PKD1L3: variants seen among roughly 807,000 people sequenced by gnomAD.
PKD1L3 encodes polycystin-1-like protein 3.
PKD1L3 carries 239 observed loss-of-function variants against 184.1 expected under a neutral mutation model. The ratio of observed to expected loss-of-function variants is 1.30; its 90% CI spans 1.17 to 1.45. The LOEUF (loss-of-function observed/expected upper bound fraction) is 1.45, where lower values mean the gene tolerates loss of function less well. PKD1L3 is among the 40% of genes most tolerant of loss of function. The pLI is 0.00. For missense variants in PKD1L3, 2,660 were observed against 2,067.2 expected, an observed-to-expected ratio of 1.29 and a Z score of -5.56; for synonymous variants, 996 against 778.8, an observed-to-expected ratio of 1.28 and a Z score of -4.64.
intron 2 of PKD1L3, among the ~76,000 whole-genome samples, chr16:71,995,629 C>G (rs527256142): frequency 6.6e-6 from 1 of 152,128 alleles, no homozygotes; most frequent in Non-Finnish European, 1.5e-5. Flanking sequence ...TTTTTACAAC[C>G]AGTTCCCTCT....
At chr16:71,972,343 T>A (rs1313919747) in intron 12 of PKD1L3, among the ~76,000 whole-genome samples, 2 of 152,120 alleles carry the variant, frequency 1.3e-5, no homozygotes, top group East Asian at 3.9e-4. Context: ...GAGGTTGCGG[T>A]GAGCCGAGAT....
chr16:71,929,619 A>G lies in PKD1L3; in HGVS notation c.5118T>C (p.Ser1706=). ...LQKLSNLLGI[S]WPQKTSSEQA... ...GCTCAGATGAGGTTTTTTGGGGCCA[A>G]CTGATTCCTAACAAATTTGAGAGCT... The change falls in exon 30 of 30, where the codon AGT becomes AGC. Residue 1706 remains serine (S), a synonymous_variant. Transcript: ENST00000620267. 1 of 1,551,864 alleles carries G rather than the reference A, an allele frequency of 6.4e-7. No individual in the cohort carries two copies. The highest frequency in any genetic ancestry group is 2.0e-5 in the Admixed American group (1 of 51,002).
At chr16:71,944,572 A>G (rs2038487966) in intron 22 of PKD1L3, among the ~76,000 whole-genome samples, 1 of 152,136 alleles carries the variant, frequency 6.6e-6, no homozygotes, top group South Asian at 2.1e-4. Flanking sequence ...GGTCCCGGCT[A>G]CTAGGGAGAC....
rs1346890366 is a variant in PKD1L3, at chr16:71,935,340, C to G, written c.4613+18G>C. 7.8e-6 allele frequency: 12 copies of G among 1,548,044 alleles called. No individual in the cohort carries two copies. Among genetic ancestry groups the G allele is most frequent in the Non-Finnish European group, 1.0e-5 (12 of 1,144,926 alleles). On this transcript the variant is annotated intron_variant, in intron 26 of 29. Coordinates refer to ENST00000620267, the MANE Select transcript of PKD1L3 (RefSeq NM_181536.2). The stretch of plus-strand genomic sequence containing the variant: ...ACATGAGGTAGGAATATGCTGTGCC[C>G]CTCAGGCTTCCTCTCACCTGTCCTG...
intron 19 of PKD1L3, among the ~76,000 whole-genome samples, chr16:71,950,544 T>C (rs1295732089): frequency 6.6e-6 from 1 of 152,022 alleles, no homozygotes; most frequent in African/African-American, 2.4e-5. Context: ...CCTTATTGAG[T>C]TCTTCACCAG....
chr16:71,937,464 T>C (rs1388629168), intron 24 of PKD1L3, 45 bp from the exon 25 acceptor site: 1 of 1,533,896 alleles, frequency 6.5e-7, no homozygotes, highest in East Asian at 2.5e-5. Context: ...CTAAAACTTT[T>C]GCCCTCTTCT....
chr16:71,967,136 C>A lies in PKD1L3; in HGVS notation c.2465+1G>T. 8 of 1,551,378 alleles carry A rather than the reference C, an allele frequency of 5.2e-6. No individual in the cohort carries two copies. Among genetic ancestry groups the A allele is most frequent in the Non-Finnish European group, 7.0e-6 (8 of 1,146,742 alleles). ...ACAGCCAACAGGATATAAGTACTCA[C>A]CAGGAGGGACTGACGCCAGAATTGT... is the stretch of plus-strand genomic sequence containing the variant. On this transcript the variant is annotated splice_donor_variant, in intron 15 of 29. Transcript: ENST00000620267. LOFTEE classifies it high-confidence loss of function.
At chr16:71,976,059 T>C (rs1013476428) in intron 11 of PKD1L3, among the ~76,000 whole-genome samples, 2 of 151,878 alleles carry the variant, frequency 1.3e-5, no homozygotes, top group Admixed American at 1.3e-4. Flanking sequence ...GTGATTCTCA[T>C]GCCTCAGTCT....
chr16:71,945,287 TATATATATATATATATATACAC>T (rs1334874041), intron 22 of PKD1L3, among the ~76,000 whole-genome samples: 2 of 60,656 alleles, frequency 3.3e-5, no homozygotes, highest in African/African-American at 9.3e-5. Flanking sequence ...TATATATATA[TATATATATATATATATATACAC>T]ACACACACAC....
intron 19 of PKD1L3, 69 bp downstream of exon 19, chr16:71,951,495 A>G: frequency 7.0e-7 from 1 of 1,427,278 alleles, no homozygotes; most frequent in Non-Finnish European, 9.4e-7. Context: ...AATGAGTAAG[A>G]AAGTAAGACA....
At position 71,978,253 on chromosome 16, in the gene PKD1L3, A is replaced by AC; in HGVS notation, c.1527+1dup. The AC allele has an allele frequency of 3.9e-6, 6 of 1,548,366 alleles. No individual in the cohort carries two copies. Among genetic ancestry groups the AC allele is most frequent in the Non-Finnish European group, 5.2e-6 (6 of 1,144,938 alleles). Reference sequence around the variant, plus strand: ...TTTTATTCCCTAAGAATCAGTTCCTACCTCAATGTCCTCCATTAAATCATG... The same window carrying AC: ...TTTTATTCCCTAAGAATCAGTTCCTACCCTCAATGTCCTCCATTAAATCATG... On this transcript the variant is annotated splice_donor_variant, in intron 10 of 29. Coordinates refer to ENST00000620267, the MANE Select transcript of PKD1L3 (RefSeq NM_181536.2). LOFTEE classifies it high-confidence loss of function.
chr16:71,980,471 G>A (rs1456991154), intron 7 of PKD1L3, among the ~76,000 whole-genome samples: 4 of 152,002 alleles, frequency 2.6e-5, no homozygotes, highest in Admixed American at 6.6e-5. Context: ...ATAATTTAAC[G>A]TTTTTTAGTA....
In PKD1L3 at chr16:71,979,825, C is replaced by G. The variant is rs1597357871; in HGVS notation, c.1359G>C (p.Leu453Phe). 1 of 1,515,128 alleles carries G rather than the reference C, an allele frequency of 6.6e-7. No homozygotes were observed. Among genetic ancestry groups the G allele is most frequent in the East Asian group, 2.5e-5 (1 of 40,816 alleles). The allele number at this position is 1,515,128 out of a possible 1,614,324, so 93.9% of individuals were successfully genotyped here. ...CTGGATGTTTATTCAAGAGCTCCTT[C>G]AAAGCTAAAGCCGACGGAAAGCCTA... ...VRLGFPSALA[L>F]KELLNKHPGV... Residue 453 changes from leucine to phenylalanine, a missense_variant, in exon 9 of 30, where the codon TTG (leucine) becomes TTC (phenylalanine). By Grantham distance (22) the Leu-to-Phe change is conservative. Coordinates refer to ENST00000620267, the MANE Select transcript of PKD1L3 (RefSeq NM_181536.2).
intron 26 of PKD1L3, 60 bp downstream of exon 26, chr16:71,935,298 T>A: frequency 6.8e-7 from 1 of 1,481,380 alleles, no homozygotes; most frequent in South Asian, 1.3e-5. Context: ...TACTTGTGTA[T>A]AAACAGGAAA....
At chr16:71,972,258 G>C (rs1036851838) in intron 12 of PKD1L3, among the ~76,000 whole-genome samples, 1 of 152,122 alleles carries the variant, frequency 6.6e-6, no homozygotes, top group Admixed American at 6.6e-5. Context: ...AATTAGCTGG[G>C]TGTGGTGGTG....
At chr16:71,998,483 C>T (rs2040866398) in intron 1 of PKD1L3, 89 bp from the exon 2 acceptor site, 1 of 1,457,730 alleles carries the variant, frequency 6.9e-7, no homozygotes, top group Non-Finnish European at 9.0e-7. Context: ...GACAGTCCCA[C>T]TCAGTCACCC....
chr16:71,977,175 T>C, intron 11 of PKD1L3, 61 bp downstream of exon 11: 1 of 1,270,864 alleles, frequency 7.9e-7, no homozygotes, highest in East Asian at 2.5e-5. Context: ...ATGGTGCCAC[T>C]GCACTACATC....
chr16:71,984,270 A>G, intron 5 of PKD1L3, 103 bp from the exon 6 acceptor site: 8 of 1,184,588 alleles, frequency 6.8e-6, no homozygotes, highest in Non-Finnish European at 9.4e-6. Flanking sequence ...GTAACTTTAT[A>G]AACCCTATGA....
In PKD1L3 at chr16:71,933,463, A is replaced by G. The variant is rs2038062728; in HGVS notation, c.4883T>C (p.Val1628Ala). The change falls in exon 28 of 30, where the codon GTG becomes GCG. Residue 1628 changes from valine to alanine, a missense_variant. Transcript: ENST00000620267. ...TCCCATCAGGAGACCAACAACAGTC[A>G]CTGCTGAGCTGAAAAATGTCCGGTA... ...SDYRTFFSSA[V>A]TVVGLLMGIS... 6 of 1,551,402 alleles carry G rather than the reference A, an allele frequency of 3.9e-6. No homozygotes were observed. Among genetic ancestry groups the G allele is most frequent in the Non-Finnish European group, 5.2e-6 (6 of 1,146,628 alleles).
Sources: allele counts gnomAD v4.1 joint callset (sites outside exome capture counted in the v4.1 genomes callset), GRCh38; gene constraint gnomAD v4.1.1; transcripts MANE v1.5; gene names NCBI Gene and HGNC (gene_info 2026-07-23, HGNC 2026-07-21).